USP31: variants seen among roughly 807,000 people sequenced by gnomAD.
The protein encoded by USP31 is ubiquitin carboxyl-terminal hydrolase 31.
USP31 carries 44 observed loss-of-function variants against 119.4 expected under a neutral mutation model. That is an observed-to-expected ratio of 0.37 (90% CI 0.29 to 0.47). The LOEUF (loss-of-function observed/expected upper bound fraction) is 0.47. Among genes scored for constraint, USP31 ranks in the 20% least tolerant of loss-of-function variants. The probability of loss-of-function intolerance (pLI) is 0.99; values close to 1 mark genes in which losing one functional copy is unlikely to be tolerated. For synonymous variants in USP31, 749 were observed against 705.6 expected (o/e 1.06, Z -0.97); for missense variants, 1,643 against 1,730.2 (o/e 0.95, Z 0.89).
rs765308963 is a variant in USP31, at chr16:23,087,168, G to A, written c.1546C>T (p.Arg516Cys). ...GTTATTCCAACAACACTGACCACAC[G>A]CAAGCTGAATGGACACACCTGCATC... ...VCIQVCPFSLRVVSVVGITYL... is the reference protein window; with the variant it reads ...VCIQVCPFSLCVVSVVGITYL... The change falls in exon 9 of 16, where the codon CGT becomes TGT. Residue 516 changes from arginine (R) to cysteine (C), a missense_variant. Physicochemically the swap from Arg to Cys is radical, Grantham distance 180. This residue lies in a region of USP31 where 219 missense variants were observed against 226.4 expected (regional missense o/e 0.97). Transcript: ENST00000219689. 6 of 1,613,238 alleles carry A rather than the reference G, an allele frequency of 3.7e-6. No homozygotes were observed. Among genetic ancestry groups the A allele is most frequent in the East Asian group, 2.2e-5 (1 of 44,820 alleles).
In USP31 at chr16:23,069,128, C is replaced by T; in HGVS notation, c.2977G>A (p.Asp993Asn). The part of the protein sequence containing the change: ...FDNNNQIAYV[D>N]QSDSVDSSPV... ...GAGCTGTCTACGGAGTCGCTCTGAT[C>T]CACATAAGCGATCTGATTATTGTTA... Residue 993 changes from aspartate to asparagine, a missense_variant, in exon 16 of 16, where the codon GAT (aspartate) becomes AAT (asparagine). Coordinates refer to ENST00000219689, the MANE Select transcript of USP31 (RefSeq NM_020718.4). 6.2e-7 allele frequency: 1 copy of T among 1,613,690 alleles called. No homozygotes were observed. The highest frequency in any genetic ancestry group is 2.2e-5 in the East Asian group (1 of 44,876).
In USP31 at chr16:23,064,062, T is replaced by C. The variant is rs542367194; in HGVS notation, c.*3984A>G. On this transcript the variant is annotated 3_prime_UTR_variant, in exon 16 of 16. Coordinates refer to ENST00000219689, the MANE Select transcript of USP31 (RefSeq NM_020718.4). Reference sequence around the variant, plus strand: ...TGTGTTCGTTTGTGATAGGTACTGGTTTGTCAGCAAAGTTTGCCTTTCTCA... The same window carrying C: ...TGTGTTCGTTTGTGATAGGTACTGGCTTGTCAGCAAAGTTTGCCTTTCTCA... 3.9e-5 allele frequency: 6 copies of C among 152,718 alleles called. No homozygotes were observed. The highest frequency in any genetic ancestry group is 1.4e-4 in the African/African-American group (6 of 41,568). 9.5% of individuals were successfully genotyped at this position (152,718 alleles called of 1,614,324 possible). A position where few individuals can be genotyped will look rare whatever the true frequency, so the allele number is the denominator to read the frequency against.
At chr16:23,139,840 A>C (rs1156317413) in intron 1 of USP31, among the ~76,000 whole-genome samples, 1 of 152,112 alleles carries the variant, frequency 6.6e-6, no homozygotes, top group Non-Finnish European at 1.5e-5. Context: ...TTCCCTTTCT[A>C]AGTGCTCAAT....
At chr16:23,115,835 GAAA>G in intron 1 of USP31, 1 of 802,982 alleles carries the variant, frequency 1.2e-6, no homozygotes, top group Non-Finnish European at 1.5e-6. Context: ...TTCCCTTAAA[GAAA>G]AAAAAAAAAG....
chr16:23,123,566 A>G (rs1469793550), intron 1 of USP31, among the ~76,000 whole-genome samples: 1 of 152,088 alleles, frequency 6.6e-6, no homozygotes, highest in African/African-American at 2.4e-5. Flanking sequence ...ATAAAATAAA[A>G]AATAAGAAAG....
intron 6 of USP31, among the ~76,000 whole-genome samples, chr16:23,100,283 C>T (rs188134227): frequency 6.6e-6 from 1 of 152,226 alleles, no homozygotes; most frequent in Non-Finnish European, 1.5e-5. Flanking sequence ...TGTTCATTAA[C>T]AATGAATAAA....
At chr16:23,126,263 G>A (rs1232317815) in intron 1 of USP31, among the ~76,000 whole-genome samples, 3 of 147,334 alleles carry the variant, frequency 2.0e-5, no homozygotes, top group Admixed American at 6.8e-5. Flanking sequence ...TGAGGCTGCA[G>A]TAAGCTGTGA....
At chr16:23,137,776 T>C (rs941448420) in intron 1 of USP31, among the ~76,000 whole-genome samples, 6 of 151,104 alleles carry the variant, frequency 4.0e-5, no homozygotes, top group Non-Finnish European at 8.8e-5. Flanking sequence ...ACGATTCATG[T>C]TCATTATAGT....
In USP31 at chr16:23,093,524, G is replaced by T. The variant is rs138747160; in HGVS notation, c.1235-2720C>A. On this transcript the variant is annotated intron_variant, in intron 6 of 15. Coordinates refer to ENST00000219689, the MANE Select transcript of USP31 (RefSeq NM_020718.4). ...CCAGGATGGCTAAAATCAAAAAGAT[G>T]AAAAATAAATGTTGGCAAAGATGTG... is the stretch of plus-strand genomic sequence containing the variant. 2.6e-3 allele frequency among the ~76,000 whole-genome samples: 399 copies of T among 152,254 alleles called. 1 individual carries two copies. The highest frequency in any genetic ancestry group is 4.1e-3 in the Non-Finnish European group (277 of 67,998).
intron 1 of USP31, among the ~76,000 whole-genome samples, chr16:23,121,466 G>A (rs1041580460): frequency 6.6e-6 from 1 of 152,146 alleles, no homozygotes. Context: ...GGCCTGGCCC[G>A]GCCCAATCTT....
chr16:23,065,075 C>T lies in USP31; in HGVS notation c.*2971G>A, dbSNP rs1900011222. 6.6e-6 allele frequency: 1 copy of T among 152,114 alleles called. No homozygotes were observed. Among genetic ancestry groups the T allele is most frequent in the Non-Finnish European group, 1.5e-5 (1 of 68,028 alleles). 9.4% of individuals were successfully genotyped at this position (152,114 alleles called of 1,614,324 possible). On this transcript the variant is annotated 3_prime_UTR_variant, in exon 16 of 16. Coordinates refer to ENST00000219689, the MANE Select transcript of USP31 (RefSeq NM_020718.4). Reference sequence around the variant, plus strand: ...TTACCAAGGCAAGATGTAGGGCTGTCTTAAGGAATGATACGGCCTCAGTGC... The same window carrying T: ...TTACCAAGGCAAGATGTAGGGCTGTTTTAAGGAATGATACGGCCTCAGTGC...
At chr16:23,104,195 C>A (rs781578640) in intron 5 of USP31, among the ~76,000 whole-genome samples, 4 of 152,144 alleles carry the variant, frequency 2.6e-5, no homozygotes, top group Non-Finnish European at 4.4e-5. Context: ...TGCAAATCTA[C>A]CAGGTAAAAG....
At chr16:23,134,012 G>A (rs578154805) in intron 1 of USP31, among the ~76,000 whole-genome samples, 1 of 152,022 alleles carries the variant, frequency 6.6e-6, no homozygotes, top group East Asian at 1.9e-4. Flanking sequence ...GGGAGGTCAA[G>A]GCTGCAGTGA....
At chr16:23,079,902 G>A in intron 13 of USP31, 44 bp downstream of exon 13, 1 of 1,514,768 alleles carries the variant, frequency 6.6e-7, no homozygotes, top group Non-Finnish European at 8.8e-7. Flanking sequence ...AAACCCGTCT[G>A]AAGGACTCGC....
chr16:23,107,187 G>A (rs1245793499), intron 2 of USP31, among the ~76,000 whole-genome samples: 1 of 151,804 alleles, frequency 6.6e-6, no homozygotes, highest in Non-Finnish European at 1.5e-5. Flanking sequence ...CTGTATGTTG[G>A]TGCCTAATCA....
Position 23,148,675 on chromosome 16 carries a change from G to A in USP31, c.596C>T (p.Thr199Ile). The A allele has an allele frequency of 3.3e-6, 5 of 1,495,350 alleles. No homozygotes were observed. The highest frequency in any genetic ancestry group is 4.4e-6 in the Non-Finnish European group (5 of 1,125,866). The allele number at this position is 1,495,350 out of a possible 1,614,324, so 92.6% of individuals were successfully genotyped here. The change falls in exon 1 of 16, where the codon ACC becomes ATC. Residue 199 changes from threonine (T) to isoleucine (I), a missense_variant. Thr to Ile is a moderately conservative substitution (Grantham distance 89, BLOSUM62 -1). Transcript: ENST00000219689. ...QLAHLVRALWTLEYTPQHSRD... is the reference protein window; with the variant it reads ...QLAHLVRALWILEYTPQHSRD... Reference sequence around the variant, plus strand: ...GCTGTGCTGCGGGGTGTACTCCAGGGTCCAGAGGGCCCGCACCAGGTGCGC... The same window carrying A: ...GCTGTGCTGCGGGGTGTACTCCAGGATCCAGAGGGCCCGCACCAGGTGCGC...
chr16:23,089,394 CAT>C (rs1327284775), intron 7 of USP31, among the ~76,000 whole-genome samples: 1 of 152,198 alleles, frequency 6.6e-6, no homozygotes, highest in Non-Finnish European at 1.5e-5. Flanking sequence ...TCTGCTTGTT[CAT>C]AGTCGGTCTG....
intron 1 of USP31, among the ~76,000 whole-genome samples, chr16:23,145,122 C>T (rs1301708663): frequency 6.6e-6 from 1 of 152,196 alleles, no homozygotes; most frequent in Non-Finnish European, 1.5e-5. Flanking sequence ...TCCACCACTT[C>T]CTTGCCCTGC....
At chr16:23,090,879 C>A in intron 6 of USP31, 75 bp from the exon 7 acceptor site, 5 of 1,327,824 alleles carry the variant, frequency 3.8e-6, no homozygotes, top group Non-Finnish European at 4.9e-6. Flanking sequence ...GAAATTTACC[C>A]AACAGAGAAA....
Sources: allele counts gnomAD v4.1 joint callset (sites outside exome capture counted in the v4.1 genomes callset), GRCh38; gene constraint gnomAD v4.1.1; regional missense constraint gnomAD v4.1.1; transcripts MANE v1.5; gene names NCBI Gene and HGNC (gene_info 2026-07-23, HGNC 2026-07-21).